ZNF827: variants seen among roughly 807,000 people sequenced by gnomAD.
ZNF827 encodes zinc finger protein 827.
ZNF827 carries 13 observed loss-of-function variants against 102.4 expected under a neutral mutation model. The ratio of observed to expected loss-of-function variants is 0.13; its 90% CI spans 0.08 to 0.20. The LOEUF is 0.20. Among genes scored for constraint, ZNF827 ranks in the 10% least tolerant of loss-of-function variants. The probability of loss-of-function intolerance (pLI) is 1.00; values close to 1 mark genes in which losing one functional copy is unlikely to be tolerated. For synonymous variants in ZNF827, 523 were observed against 536.2 expected (o/e 0.98, Z 0.34); for missense variants, 1,103 against 1,344.4 (o/e 0.82, Z 2.81).
intron 7 of ZNF827, among the ~76,000 whole-genome samples, chr4:145,842,232 A>G (rs1745488827): frequency 6.6e-6 from 1 of 152,202 alleles, no homozygotes; most frequent in Non-Finnish European, 1.5e-5. Flanking sequence ...ACTGTCTCCC[A>G]TTATTTTCAC....
At chr4:145,918,721 TCACCCCAGCACA>T (rs1752862951) in intron 1 of ZNF827, among the ~76,000 whole-genome samples, 1 of 152,120 alleles carries the variant, frequency 6.6e-6, no homozygotes, top group African/African-American at 2.4e-5. Context: ...CCCCCAGCTC[TCACCCCAGCACA>T]CACCCAGCCT....
Position 145,892,236 on chromosome 4 carries a change from G to A in ZNF827, c.1266+7C>T. ...TCTCCAGGAGGTGCAGTCGGTAGGT[G>A]GCTTACCTTCATGTGGGATTTGAGA... On this transcript the variant is annotated splice_region_variant and intron_variant, in intron 3 of 14. Transcript: ENST00000508784. 1 of 1,604,104 alleles carries A rather than the reference G, an allele frequency of 6.2e-7. No individual in the cohort carries two copies. Among genetic ancestry groups the A allele is most frequent in the Non-Finnish European group, 8.5e-7 (1 of 1,173,128 alleles).
chr4:145,884,729 A>T (rs1457931939), intron 4 of ZNF827, among the ~76,000 whole-genome samples: 4 of 152,238 alleles, frequency 2.6e-5, no homozygotes, highest in Non-Finnish European at 5.9e-5. Context: ...GGAAAAAATG[A>T]TAAAAAAAGA....
At chr4:145,887,465 G>A (rs192080438) in intron 3 of ZNF827, among the ~76,000 whole-genome samples, 2 of 152,220 alleles carry the variant, frequency 1.3e-5, no homozygotes, top group African/African-American at 2.4e-5. Context: ...AGATCCTGTC[G>A]CTACAGCACC....
intron 1 of ZNF827, among the ~76,000 whole-genome samples, chr4:145,909,066 A>G (rs1752080925): frequency 6.6e-6 from 1 of 152,236 alleles, no homozygotes; most frequent in Non-Finnish European, 1.5e-5. Flanking sequence ...ACCCAATGAA[A>G]AAATTGTATA....
chr4:145,760,025 T>G lies in ZNF827; in HGVS notation c.*1591A>C, dbSNP rs1020280443. 1 of 152,252 alleles carries G rather than the reference T, an allele frequency of 6.6e-6. No homozygotes were observed. The highest frequency in any genetic ancestry group is 1.9e-4 in the East Asian group (1 of 5,196). The allele number at this position is 152,252 out of a possible 1,614,324, so 9.4% of individuals were successfully genotyped here. The stretch of plus-strand genomic sequence containing the variant: ...TGATGTTAGCTGCAGTGCTGCGAGA[T>G]ATTTCTTCCAGATCAGTCACTTGAT... On this transcript the variant is annotated 3_prime_UTR_variant, in exon 15 of 15. Coordinates refer to ENST00000508784, the MANE Select transcript of ZNF827 (RefSeq NM_001306215.2).
At chr4:145,938,130 G>A (rs1455336415) in intron 1 of ZNF827, among the ~76,000 whole-genome samples, 3 of 151,764 alleles carry the variant, frequency 2.0e-5, no homozygotes, top group South Asian at 2.1e-4. Flanking sequence ...AAAGGGGGGG[G>A]GTGAGAGAAA....
chr4:145,855,093 C>G (rs907297914), intron 5 of ZNF827, among the ~76,000 whole-genome samples: 1 of 152,172 alleles, frequency 6.6e-6, no homozygotes, highest in Non-Finnish European at 1.5e-5. Context: ...CAATCTGCTG[C>G]GAACACTCAT....
At chr4:145,840,375 T>C (rs1168426410) in intron 7 of ZNF827, among the ~76,000 whole-genome samples, 1 of 152,186 alleles carries the variant, frequency 6.6e-6, no homozygotes, top group Non-Finnish European at 1.5e-5. Flanking sequence ...TAGATGGCAG[T>C]GTACTAAGGG....
chr4:145,902,322 C>A lies in ZNF827; in HGVS notation c.937G>T (p.Asp313Tyr). 1.2e-6 allele frequency: 2 copies of A among 1,601,612 alleles called. No homozygotes were observed. The highest frequency in any genetic ancestry group is 1.7e-6 in the Non-Finnish European group (2 of 1,173,690). Residue 313 changes from aspartate (D) to tyrosine (Y), a missense_variant, in exon 2 of 15, where the codon GAC becomes TAC. By Grantham distance (160) the Asp-to-Tyr change is radical. This residue lies in a region of ZNF827 where 441 missense variants were observed against 458.6 expected (regional missense o/e 0.96). Transcript: ENST00000508784. The surrounding 1 kb of genome is among the most constrained non-coding windows in gnomAD (Gnocchi z 4.3). ...TCTGAAGGCGGGGGCGGTAGAGGGT[C>A]CTCAGGCAGCAGCGATGATTTCTCA... ...LAEKSSLLPE[D>Y]PLPPPPSEKK...
chr4:145,873,794 G>A (rs1748915563), intron 4 of ZNF827, among the ~76,000 whole-genome samples: 1 of 152,124 alleles, frequency 6.6e-6, no homozygotes. Context: ...TCTAAAGCTT[G>A]CTCTCTCCCA....
At chr4:145,778,432 C>A (rs1038440462) in intron 9 of ZNF827, among the ~76,000 whole-genome samples, 1 of 152,088 alleles carries the variant, frequency 6.6e-6, no homozygotes, top group African/African-American at 2.4e-5. Context: ...TCGCGCCCGA[C>A]AACAAAAACC....
chr4:145,857,425 T>C (rs900810148), intron 5 of ZNF827, among the ~76,000 whole-genome samples: 3 of 152,228 alleles, frequency 2.0e-5, no homozygotes, highest in African/African-American at 7.2e-5. Flanking sequence ...TACTCTTACG[T>C]AGATTTTTAA....
chr4:145,777,934 A>G (rs1395053055), intron 9 of ZNF827, among the ~76,000 whole-genome samples: 1 of 152,148 alleles, frequency 6.6e-6, no homozygotes, highest in African/African-American at 2.4e-5. Flanking sequence ...ATTAGGCAGG[A>G]CATTTTATTG....
In ZNF827 at chr4:145,832,717, C is replaced by A. The variant is rs144537978; in HGVS notation, c.2280-9192G>T. The A allele has an allele frequency of 8.8e-3, 1,346 of 152,472 alleles. 11 individuals are homozygous for A. The highest frequency in any genetic ancestry group is 0.012 in the Non-Finnish European group (852 of 68,184). The allele number at this position is 152,472 out of a possible 1,614,324, so 9.4% of individuals were successfully genotyped here. A position where few individuals can be genotyped will look rare whatever the true frequency, so the allele number is the denominator to read the frequency against. ...AAGAATCACAAAAGAAGTGAATATG[C>A]CCTGCCCCACCTTAACTGATGACAT... On this transcript the variant is annotated intron_variant, in intron 7 of 14. Transcript: ENST00000508784.
intron 2 of ZNF827, among the ~76,000 whole-genome samples, chr4:145,898,785 G>A (rs1751177280): frequency 6.6e-6 from 1 of 152,072 alleles, no homozygotes; most frequent in Non-Finnish European, 1.5e-5. Flanking sequence ...CAAAAAAGAA[G>A]AATAAGGCCA....
chr4:145,836,095 C>G (rs1744805942), intron 7 of ZNF827, among the ~76,000 whole-genome samples: 1 of 151,986 alleles, frequency 6.6e-6, no homozygotes, highest in Non-Finnish European at 1.5e-5. Context: ...AGCAAATTAC[C>G]TAGGCTGTAC....
chr4:145,852,005 A>G (rs1057146481), intron 5 of ZNF827, among the ~76,000 whole-genome samples: 2 of 152,046 alleles, frequency 1.3e-5, no homozygotes, highest in Admixed American at 6.6e-5. Context: ...TTCCCTCATC[A>G]TGCTTCCCCA....
At chr4:145,889,517 C>G (rs1381398924) in intron 3 of ZNF827, among the ~76,000 whole-genome samples, 1 of 150,768 alleles carries the variant, frequency 6.6e-6, no homozygotes, top group African/African-American at 2.4e-5. Flanking sequence ...TCTGACCATA[C>G]AGTTTGAGAT....
Sources: allele counts gnomAD v4.1 joint callset (sites outside exome capture counted in the v4.1 genomes callset), GRCh38; gene constraint gnomAD v4.1.1; regional missense constraint gnomAD v4.1.1; non-coding constraint Gnocchi (gnomAD v3.1); transcripts MANE v1.5; gene names NCBI Gene and HGNC (gene_info 2026-07-23, HGNC 2026-07-21).